The following GABRA3 variants were observed in gnomAD, a reference collection of about 807,000 sequenced individuals.
GABRA3 encodes the protein gamma-aminobutyric acid type A receptor subunit alpha3.
Under a neutral mutation model 30.1 loss-of-function variants are expected in GABRA3, and 10 were observed. That is an observed-to-expected ratio of 0.33 (90% CI 0.20 to 0.56). The LOEUF (loss-of-function observed/expected upper bound fraction) is 0.56. GABRA3 is among the 20% of genes least tolerant of loss of function. The pLI is 0.89. For synonymous variants in GABRA3, 151 were observed against 146.8 expected (o/e 1.03, Z -0.21); for missense variants, 233 against 392.0 (o/e 0.59, Z 3.42).
chrX:152,223,410 G>C (rs185106352), intron 6 of GABRA3, among the ~76,000 whole-genome samples: 18 of 111,471 alleles, frequency 1.6e-4, no homozygotes, highest in African/African-American at 5.9e-4. Flanking sequence ...ACATAAGTCA[G>C]ATAATGCCAT....
intron 1 of GABRA3, among the ~76,000 whole-genome samples, chrX:152,418,374 A>C (rs1602719364): frequency 8.9e-6 from 1 of 112,099 alleles, no homozygotes; most frequent in South Asian, 3.6e-4. Context: ...ATTAATAACA[A>C]ATAGAAAATC....
chrX:152,435,806 A>G (rs1220092443), intron 1 of GABRA3, among the ~76,000 whole-genome samples: 1 of 111,696 alleles, frequency 9.0e-6, no homozygotes. Context: ...TACTAGAACT[A>G]GTAATTAAGT....
chrX:152,225,137 C>T (rs1350981282), intron 5 of GABRA3, among the ~76,000 whole-genome samples: 12 of 109,752 alleles, frequency 1.1e-4, no homozygotes, highest in Non-Finnish European at 1.9e-4. Flanking sequence ...GACACCCCCC[C>T]CAAGAAGCCT....
At chrX:152,250,689 T>C (rs1246907986) in intron 5 of GABRA3, 8 of 111,561 alleles carry the variant, frequency 7.2e-5, no homozygotes, top group Non-Finnish European at 1.5e-4. Flanking sequence ...GGTAACGGGT[T>C]TTAGCCTGTA....
intron 1 of GABRA3, among the ~76,000 whole-genome samples, chrX:152,414,236 T>C (rs983427425): frequency 9.0e-6 from 1 of 111,032 alleles, no homozygotes; most frequent in Non-Finnish European, 1.9e-5. Flanking sequence ...AAAAATATTT[T>C]TACAGGTAAA....
intron 4 of GABRA3, among the ~76,000 whole-genome samples, chrX:152,279,392 G>C (rs746403393): frequency 1.2e-3 from 135 of 111,247 alleles, no homozygotes; most frequent in African/African-American, 3.5e-3. Flanking sequence ...TCTTGTTTTT[G>C]TCAGGTTTGT....
rs750235793 is a variant in GABRA3, at chrX:152,381,796, C to T, written c.-26-17200G>A. ...ACTCCCACTTATGAGTGAGAACATG[C>T]GGTGTTTGGCTTTCTGTTCTTGTGT... On this transcript the variant is annotated intron_variant, in intron 1 of 9. Transcript: ENST00000370314. Among the ~76,000 whole-genome samples, 101 of 110,374 alleles carry T rather than the reference C, an allele frequency of 9.2e-4. 1 individual carries two copies. Among genetic ancestry groups the T allele is most frequent in the South Asian group, 3.9e-4 (1 of 2,547 alleles).
intron 1 of GABRA3, among the ~76,000 whole-genome samples, chrX:152,404,740 TATTA>T (rs1348847201): frequency 8.3e-5 from 2 of 24,120 alleles, no homozygotes; most frequent in Non-Finnish European, 1.3e-4. Flanking sequence ...CATTTATTAT[TATTA>T]TTATTATTAT....
chrX:152,173,409 G>T (rs755097768), intron 9 of GABRA3, among the ~76,000 whole-genome samples: 21 of 110,963 alleles, frequency 1.9e-4, no homozygotes, highest in Non-Finnish European at 3.6e-4. Flanking sequence ...CATGAGGAAG[G>T]TTAAATAAAT....
At chrX:152,237,366 G>C (rs1938245101) in intron 5 of GABRA3, among the ~76,000 whole-genome samples, 1 of 106,562 alleles carries the variant, frequency 9.4e-6, no homozygotes. Flanking sequence ...TCTCTGTTTT[G>C]GTACCAGTAC....
At chrX:152,384,581 T>C (rs1258316053) in intron 1 of GABRA3, among the ~76,000 whole-genome samples, 1 of 112,203 alleles carries the variant, frequency 8.9e-6, no homozygotes. Flanking sequence ...CAAAATTAAA[T>C]TGTAACCTTA....
intron 4 of GABRA3, among the ~76,000 whole-genome samples, chrX:152,272,205 C>T (rs1157460899): frequency 4.5e-5 from 5 of 112,022 alleles, no homozygotes; most frequent in Non-Finnish European, 7.5e-5. Flanking sequence ...GCACTCGATG[C>T]CAGCCTGTGA....
intron 3 of GABRA3, among the ~76,000 whole-genome samples, chrX:152,298,276 C>A (rs1939566574): frequency 9.0e-6 from 1 of 110,826 alleles, no homozygotes; most frequent in Non-Finnish European, 1.9e-5. Flanking sequence ...GCACAACGTG[C>A]AGGTTAGTTA....
chrX:152,330,145 T>C (rs1940138818), intron 3 of GABRA3, among the ~76,000 whole-genome samples: 1 of 111,593 alleles, frequency 9.0e-6, no homozygotes, highest in Non-Finnish European at 1.9e-5. Flanking sequence ...AAAACCACAA[T>C]GAGATACCAT....
At chrX:152,180,118 A>C (rs1937125820) in intron 9 of GABRA3, among the ~76,000 whole-genome samples, 1 of 111,262 alleles carries the variant, frequency 9.0e-6, no homozygotes, top group African/African-American at 3.3e-5. Context: ...TCTATTTTTA[A>C]TTTTTTCAGG....
intron 6 of GABRA3, among the ~76,000 whole-genome samples, chrX:152,224,157 ACT>A (rs1399727673): frequency 1.8e-5 from 2 of 111,883 alleles, no homozygotes; most frequent in African/African-American, 3.2e-5. Context: ...TGTGAAACTC[ACT>A]CTGAAATTTT....
intron 2 of GABRA3, among the ~76,000 whole-genome samples, chrX:152,351,403 TTA>T (rs1281669502): frequency 1.8e-5 from 2 of 112,077 alleles, no homozygotes; most frequent in African/African-American, 3.2e-5. Context: ...CCTTGCACTT[TTA>T]TGTTATGGAG....
At chrX:152,428,317 C>T (rs1275784799) in intron 1 of GABRA3, among the ~76,000 whole-genome samples, 1 of 111,868 alleles carries the variant, frequency 8.9e-6, no homozygotes, top group Non-Finnish European at 1.9e-5. Context: ...TATGCGGTGG[C>T]GTCCCTCCTC....
At chrX:152,313,238 G>A (rs1237034568) in intron 3 of GABRA3, among the ~76,000 whole-genome samples, 1 of 111,880 alleles carries the variant, frequency 8.9e-6, no homozygotes, top group Non-Finnish European at 1.9e-5. Context: ...AAGCCTTCTA[G>A]ATGATTTTCA....
Sources: gnomAD v4.1 joint callset for allele counts (sites outside exome capture counted in the v4.1 genomes callset) on GRCh38, gnomAD v4.1.1 for gene constraint, MANE v1.5 for transcripts, NCBI Gene and HGNC (gene_info 2026-07-23, HGNC 2026-07-21) for gene names.